The following SYNE1 variants were observed in gnomAD, a reference collection of about 807,000 sequenced individuals.
The protein encoded by SYNE1 is nesprin-1.
A neutral mutation model predicts 1,111.0 loss-of-function variants in SYNE1; 616 were observed. The observed-to-expected ratio is 0.55, with a 90% confidence interval of 0.52 to 0.59. The LOEUF is 0.59. Among genes scored for constraint, SYNE1 ranks in the 20% least tolerant of loss-of-function variants. SYNE1 has a pLI of 0.00. For missense variants in SYNE1, 10,006 were observed against 10,417.0 expected, an observed-to-expected ratio of 0.96 and a Z score of 1.72; for synonymous variants, 3,855 against 3,825.8, an observed-to-expected ratio of 1.01 and a Z score of -0.28.
At chr6:152,524,078 G>A (rs549918201) in intron 5 of SYNE1, among the ~76,000 whole-genome samples, 1 of 152,118 alleles carries the variant, frequency 6.6e-6, no homozygotes, top group East Asian at 1.9e-4. Context: ...AGGACTTCCA[G>A]TAATATGTTT....
At chr6:152,255,859 A>G in intron 102 of SYNE1, 113 bp from the exon 103 acceptor site, 1 of 1,213,338 alleles carries the variant, frequency 8.2e-7, no homozygotes, top group Admixed American at 1.7e-5. Context: ...GCACTTTGGT[A>G]GCCCAAAGCA....
At chr6:152,581,341 C>A (rs1442507771) in intron 3 of SYNE1, among the ~76,000 whole-genome samples, 3 of 152,180 alleles carry the variant, frequency 2.0e-5, no homozygotes, top group African/African-American at 7.2e-5. Flanking sequence ...AATCAAATGA[C>A]CTCCCAGTTA....
In SYNE1 at chr6:152,462,919, G is replaced by A. The variant is rs7775181; in HGVS notation, c.2098-29C>T. The A allele has an allele frequency of 0.14, 228,205 of 1,612,170 alleles. 19,788 individuals are homozygous for A. Among genetic ancestry groups the A allele is most frequent in the East Asian group, 0.43 (19,118 of 44,816 alleles). Reference sequence around the variant, plus strand: ...TTAAGGAAAGGGAGGAGGGAACATCGTGAAAGCCATTTAGCTGCGACCACT... The same window carrying A: ...TTAAGGAAAGGGAGGAGGGAACATCATGAAAGCCATTTAGCTGCGACCACT... On this transcript the variant is annotated intron_variant, in intron 19 of 145. Coordinates refer to ENST00000367255, the MANE Select transcript of SYNE1 (RefSeq NM_182961.4).
intron 141 of SYNE1, 87 bp downstream of exon 141, chr6:152,136,531 C>A: frequency 6.5e-7 from 1 of 1,546,232 alleles, no homozygotes; most frequent in Non-Finnish European, 8.8e-7. Context: ...CTGCGTCCCT[C>A]TAGAAACCAT....
rs1447513335 is a variant in SYNE1, at chr6:152,127,679, G to A, written c.26153+3041C>T. The A allele has an allele frequency of 2.6e-5, 4 of 152,270 alleles. No homozygotes were observed. In the East Asian group the frequency reaches 7.7e-4, roughly 29 times the overall value. 9.4% of individuals were successfully genotyped at this position (152,270 alleles called of 1,614,324 possible). ...TACCCTACAGCTTTCCTTGGGGCAC[G>A]GGTGAGCAATCTGCCTTAGAGGGGA... On this transcript the variant is annotated intron_variant, in intron 145 of 145. Coordinates refer to ENST00000367255, the MANE Select transcript of SYNE1 (RefSeq NM_182961.4).
In SYNE1 at chr6:152,376,821, C is replaced by T. The variant is rs1389606805; in HGVS notation, c.9101G>A (p.Ser3034Asn). 1 of 1,614,074 alleles carries T rather than the reference C, an allele frequency of 6.2e-7. No individual in the cohort carries two copies. Residue 3034 changes from serine to asparagine, a missense_variant, in exon 57 of 146, where the codon AGT becomes AAT. Ser to Asn is a conservative substitution (Grantham distance 46, BLOSUM62 1). This residue lies in a region of SYNE1 where 4,955 missense variants were observed against 5,017.2 expected (regional missense o/e 0.99). Transcript: ENST00000367255. ...NELCRFSRDL[S>N]TYSGKVSGLI... ...GCCAGAAACTTTTCCACTGTAGGTA[C>T]TCAGGTCTCTGGAAAATCGACAAAG...
At chr6:152,147,846 A>G (rs1336330143) in intron 137 of SYNE1, 199 bp downstream of exon 137, 1 of 595,626 alleles carries the variant, frequency 1.7e-6, no homozygotes, top group Non-Finnish European at 3.0e-6. Flanking sequence ...TACTACCACA[A>G]ATCTACGTGG....
At chr6:152,512,739 C>T (rs909481358) in intron 6 of SYNE1, among the ~76,000 whole-genome samples, 2 of 152,032 alleles carry the variant, frequency 1.3e-5, no homozygotes, top group Non-Finnish European at 2.9e-5. Context: ...ATTATCTGCC[C>T]CAAAATGTGT....
chr6:152,273,547 C>T (rs1467761595), intron 98 of SYNE1, among the ~76,000 whole-genome samples: 1 of 152,048 alleles, frequency 6.6e-6, no homozygotes, highest in African/African-American at 2.4e-5. Context: ...CAGGTCACCT[C>T]GTTAATAATG....
chr6:152,228,409 G>A (rs2082065881), intron 115 of SYNE1, among the ~76,000 whole-genome samples: 1 of 151,656 alleles, frequency 6.6e-6, no homozygotes, highest in Non-Finnish European at 1.5e-5. Flanking sequence ...GGTAAAACAT[G>A]GTCAAGCTGC....
intron 87 of SYNE1, chr6:152,316,126 C>T (rs753319746): frequency 6.6e-6 from 1 of 152,238 alleles, no homozygotes; most frequent in Non-Finnish European, 1.5e-5. Context: ...GATGACGTGA[C>T]TGACAGAAAA....
chr6:152,440,311 C>A (rs1020231414), intron 32 of SYNE1, among the ~76,000 whole-genome samples: 1 of 152,162 alleles, frequency 6.6e-6, no homozygotes, highest in Non-Finnish European at 1.5e-5. Context: ...GTGGCTTTTC[C>A]TTTTAAGCCT....
intron 18 of SYNE1, among the ~76,000 whole-genome samples, chr6:152,464,102 C>A (rs778075299): frequency 6.6e-6 from 1 of 152,034 alleles, no homozygotes; most frequent in South Asian, 2.1e-4. Context: ...GGAGATAAAC[C>A]ATCGAAGCAA....
intron 118 of SYNE1, 132 bp from the exon 119 acceptor site, chr6:152,221,178 T>C: frequency 8.6e-7 from 1 of 1,158,518 alleles, no homozygotes; most frequent in Admixed American, 2.1e-5. Flanking sequence ...ATAATAAAAA[T>C]TAATGTTTCA....
At chr6:152,511,409 G>A (rs1000390357) in intron 6 of SYNE1, among the ~76,000 whole-genome samples, 19 of 152,126 alleles carry the variant, frequency 1.2e-4, no homozygotes, top group African/African-American at 4.6e-4. Context: ...GAAAAAAAAT[G>A]TTATTATTTA....
rs1000054560 is a variant in SYNE1 at position 152,350,437 on chromosome 6, G to A, written c.11734-102C>T. ...CAGTGCAACTCACAGGGTAGTTAGA[G>A]CTACTTAGAAAACTACCAGGAATGG... is the stretch of plus-strand genomic sequence containing the variant. On this transcript the variant is annotated intron_variant, in intron 71 of 145. Coordinates refer to ENST00000367255, the MANE Select transcript of SYNE1 (RefSeq NM_182961.4). 93 of 1,533,792 alleles carry A rather than the reference G, an allele frequency of 6.1e-5. 1 individual carries two copies. The highest frequency in any genetic ancestry group is 3.2e-5 in the Non-Finnish European group (36 of 1,112,480).
intron 16 of SYNE1, among the ~76,000 whole-genome samples, chr6:152,471,303 A>T (rs931019976): frequency 1.3e-5 from 2 of 152,206 alleles, no homozygotes; most frequent in Middle Eastern, 3.2e-3. Context: ...GTGGGTATGC[A>T]ATACAAAAAC....
intron 137 of SYNE1, 105 bp downstream of exon 137, chr6:152,147,940 G>A: frequency 9.5e-7 from 1 of 1,047,872 alleles, no homozygotes; most frequent in Non-Finnish European, 1.4e-6. Flanking sequence ...TTCCCCGCAT[G>A]AAAGAAGGAA....
intron 76 of SYNE1, chr6:152,335,865 T>G (rs1379838267): frequency 6.6e-6 from 1 of 152,014 alleles, no homozygotes; most frequent in Non-Finnish European, 1.5e-5. Flanking sequence ...TTTTGTATTT[T>G]TAATAGAGAT....
Sources: gnomAD v4.1 joint callset for allele counts (sites outside exome capture counted in the v4.1 genomes callset) on GRCh38, gnomAD v4.1.1 for gene constraint, gnomAD v4.1.1 regional missense constraint, MANE v1.5 for transcripts, NCBI Gene and HGNC (gene_info 2026-07-23, HGNC 2026-07-21) for gene names.